Variants in WDR19 observed in about 807,000 individuals in gnomAD.
WDR19 encodes the protein WD repeat-containing protein 19.
WDR19 carries 121 observed loss-of-function variants against 180.0 expected under a neutral mutation model. The ratio of observed to expected loss-of-function variants is 0.67; its 90% confidence interval spans 0.58 to 0.78. The LOEUF is 0.78. WDR19 is among the 30% of genes least tolerant of loss of function. The pLI is 0.00. For missense variants in WDR19, 1,450 were observed against 1,640.7 expected, an observed-to-expected ratio of 0.88 and a Z score of 2.01; for synonymous variants, 497 against 540.7, an observed-to-expected ratio of 0.92 and a Z score of 1.12.
chr4:39,230,289 G>A (rs1032023558), intron 17 of WDR19, among the ~76,000 whole-genome samples: 1 of 152,140 alleles, frequency 6.6e-6, no homozygotes, highest in African/African-American at 2.4e-5. Context: ...TGCTCTGAAT[G>A]TAGTAACCCC....
rs1320122067 is a variant in WDR19, at chr4:39,285,802, T to C, written c.*329T>C. The C allele has an allele frequency of 1.3e-5, 2 of 152,246 alleles. No individual in the cohort carries two copies. The highest frequency in any genetic ancestry group is 2.9e-5 in the Non-Finnish European group (2 of 68,046). The allele number at this position is 152,246 out of a possible 1,614,324, so 9.4% of individuals were successfully genotyped here. A position where few individuals can be genotyped will look rare whatever the true frequency, so the allele number is the denominator to read the frequency against. On this transcript the variant is annotated 3_prime_UTR_variant, in exon 37 of 37. Coordinates refer to ENST00000399820, the MANE Select transcript of WDR19 (RefSeq NM_025132.4). The stretch of plus-strand genomic sequence containing the variant: ...TTTGAAAAACTTTAAAATAAAATTG[T>C]TGACTAGATATCTGTGACGTTTTTC...
intron 30 of WDR19, among the ~76,000 whole-genome samples, chr4:39,269,055 G>A (rs1297182360): frequency 6.6e-6 from 1 of 152,036 alleles, no homozygotes; most frequent in Admixed American, 6.6e-5. Context: ...TGGGATTTGG[G>A]GAAATGGGGA....
chr4:39,197,853 C>G (rs1409420390), intron 5 of WDR19, among the ~76,000 whole-genome samples: 1 of 151,970 alleles, frequency 6.6e-6, no homozygotes, highest in East Asian at 1.9e-4. Flanking sequence ...TTTTGTTTTT[C>G]TGAGAGATAA....
intron 30 of WDR19, 59 bp from the exon 31 acceptor site, chr4:39,269,917 A>G: frequency 1.9e-6 from 3 of 1,589,994 alleles, no homozygotes; most frequent in Non-Finnish European, 8.6e-7. Flanking sequence ...ATGGGGGTCC[A>G]TAGAATGTCC....
At chr4:39,198,063 G>A (rs943391998) in intron 5 of WDR19, among the ~76,000 whole-genome samples, 3 of 151,578 alleles carry the variant, frequency 2.0e-5, no homozygotes, top group African/African-American at 7.3e-5. Flanking sequence ...GGCTGGTCTT[G>A]AACTCCTGGG....
intron 15 of WDR19, among the ~76,000 whole-genome samples, chr4:39,226,300 T>G (rs1730243975): frequency 6.6e-6 from 1 of 152,248 alleles, no homozygotes; most frequent in African/African-American, 2.4e-5. Flanking sequence ...CTCTTTTTCT[T>G]GATAATTTCT....
chr4:39,208,054 C>T (rs1419702867), intron 9 of WDR19, among the ~76,000 whole-genome samples: 2 of 151,838 alleles, frequency 1.3e-5, no homozygotes, highest in African/African-American at 2.4e-5. Flanking sequence ...ACTATGAAAA[C>T]TTAAATATGT....
intron 36 of WDR19, among the ~76,000 whole-genome samples, chr4:39,279,683 AGCT>A (rs1458901278): frequency 6.8e-6 from 1 of 146,410 alleles, no homozygotes; most frequent in Non-Finnish European, 1.5e-5. Flanking sequence ...CCCTGCCAAC[AGCT>A]GCTGTCTGCC....
intron 15 of WDR19, among the ~76,000 whole-genome samples, chr4:39,226,802 A>G (rs1214136878): frequency 6.6e-6 from 1 of 152,244 alleles, no homozygotes; most frequent in Non-Finnish European, 1.5e-5. Flanking sequence ...ATTTTCTATT[A>G]GCTACATTTT....
At chr4:39,283,049 G>A (rs1210506966) in intron 36 of WDR19, among the ~76,000 whole-genome samples, 2 of 152,152 alleles carry the variant, frequency 1.3e-5, no homozygotes, top group African/African-American at 2.4e-5. Flanking sequence ...CAACATCCTT[G>A]TCTTGTTCTC....
At chr4:39,232,060 A>C in intron 18 of WDR19, 102 bp from the exon 19 acceptor site, 1 of 1,524,842 alleles carries the variant, frequency 6.6e-7, no homozygotes, top group Non-Finnish European at 9.0e-7. Context: ...AAACAAGTGA[A>C]TCGATAGAAC....
rs915222156 is a variant in WDR19 at position 39,255,853 on chromosome 4, G to A, written c.3007G>A (p.Glu1003Lys). Residue 1003 changes from glutamate (E) to lysine (K), a missense_variant, in exon 27 of 37, where the codon GAA becomes AAA. Transcript: ENST00000399820. ...TCAGTAAACTTCTGTTACAGGTTCT[G>A]AAGACACTACTAATGAAGACTATCA... ...MEIYADIIGSEDTTNEDYQSI... is the reference protein window; with the variant it reads ...MEIYADIIGSKDTTNEDYQSI... The A allele has an allele frequency of 1.9e-6, 3 of 1,580,934 alleles. No homozygotes were observed. The East Asian group carries it at 6.8e-5, about 36-fold the overall frequency.
chr4:39,201,024 T>C (rs975152317), intron 6 of WDR19, among the ~76,000 whole-genome samples: 1 of 152,084 alleles, frequency 6.6e-6, no homozygotes, highest in Non-Finnish European at 1.5e-5. Context: ...AACTGTTGGG[T>C]CAGAGAGTCC....
intron 36 of WDR19, among the ~76,000 whole-genome samples, chr4:39,281,936 C>T (rs569826584): frequency 2.6e-5 from 4 of 152,246 alleles, no homozygotes; most frequent in Non-Finnish European, 4.4e-5. Context: ...TTTCCTGACA[C>T]GTGACCCTCC....
chr4:39,263,363 C>T (rs1289624845), intron 28 of WDR19, among the ~76,000 whole-genome samples: 1 of 152,174 alleles, frequency 6.6e-6, no homozygotes, highest in Non-Finnish European at 1.5e-5. Context: ...CCCTATTATA[C>T]TACGTCTTTC....
At chr4:39,244,042 C>T (rs950359919) in intron 21 of WDR19, among the ~76,000 whole-genome samples, 21 of 151,424 alleles carry the variant, frequency 1.4e-4, no homozygotes, top group South Asian at 2.1e-4. Flanking sequence ...TCTAGGCTTT[C>T]GCAGAACAAA....
At chr4:39,282,656 C>T (rs956953303) in intron 36 of WDR19, among the ~76,000 whole-genome samples, 2 of 152,182 alleles carry the variant, frequency 1.3e-5, no homozygotes, top group Non-Finnish European at 2.9e-5. Context: ...CCTCGGCCTC[C>T]CAAAGTGCTG....
At chr4:39,273,993 C>T (rs1357506453) in intron 32 of WDR19, 1 of 152,232 alleles carries the variant, frequency 6.6e-6, no homozygotes, top group Admixed American at 6.5e-5. Flanking sequence ...AACTGCTCAA[C>T]TCTGCCATCT....
At chr4:39,209,667 G>A (rs908438248) in intron 9 of WDR19, among the ~76,000 whole-genome samples, 5 of 142,344 alleles carry the variant, frequency 3.5e-5, no homozygotes, top group Admixed American at 3.0e-4. Flanking sequence ...AGCCAAGTTC[G>A]CACCATTGCA....
Sources: allele counts gnomAD v4.1 joint callset (sites outside exome capture counted in the v4.1 genomes callset), GRCh38; gene constraint gnomAD v4.1.1; transcripts MANE v1.5; gene names NCBI Gene and HGNC (gene_info 2026-07-23, HGNC 2026-07-21).